Variants in TIMP2 observed in about 807,000 individuals in gnomAD.
TIMP2 encodes the protein metalloproteinase inhibitor 2.
Under a neutral mutation model 24.3 loss-of-function variants are expected in TIMP2, and 5 were observed. The ratio of observed to expected loss-of-function variants is 0.21; its 90% confidence interval spans 0.11 to 0.43. The LOEUF is 0.43. Ranked by LOEUF, TIMP2 falls within the 20% of genes least tolerant of loss-of-function variation. TIMP2 has a pLI of 1.00. For synonymous variants in TIMP2, 130 were observed against 123.2 expected, an observed-to-expected ratio of 1.06 and a Z score of -0.37; for missense variants, 221 against 297.5, an observed-to-expected ratio of 0.74 and a Z score of 1.89.
At chr17:78,873,544 C>T (rs755818061) in intron 2 of TIMP2, among the ~76,000 whole-genome samples, 6 of 152,210 alleles carry the variant, frequency 3.9e-5, no homozygotes, top group Non-Finnish European at 7.3e-5. Context: ...CCGCCCACCT[C>T]GGCCTCCCGA....
chr17:78,884,614 G>A (rs959086768), intron 1 of TIMP2, among the ~76,000 whole-genome samples: 25 of 152,090 alleles, frequency 1.6e-4, no homozygotes, highest in African/African-American at 4.8e-4. Flanking sequence ...CATGCTGAGC[G>A]GCGCCCCCAG....
chr17:78,909,363 A>G (rs2070187781), intron 1 of TIMP2, among the ~76,000 whole-genome samples: 1 of 151,926 alleles, frequency 6.6e-6, no homozygotes. Flanking sequence ...CTCTTTAAAA[A>G]AAAAAAAGAT....
At position 78,853,697 on chromosome 17, in the gene TIMP2, A is replaced by T. The variant is rs1326543141; in HGVS notation, c.*1970T>A. On this transcript the variant is annotated 3_prime_UTR_variant, in exon 5 of 5. Coordinates refer to ENST00000262768, the MANE Select transcript of TIMP2 (RefSeq NM_003255.5). Reference sequence around the variant, plus strand: ...TTCCACGATGCAGAAACCTTTTTTTAAAAAAGTGCAAGTCTAATACCTACC... The same window carrying T: ...TTCCACGATGCAGAAACCTTTTTTTTAAAAAGTGCAAGTCTAATACCTACC... 1 of 152,618 alleles carries T rather than the reference A, an allele frequency of 6.6e-6. No homozygotes were observed. Among genetic ancestry groups the T allele is most frequent in the African/African-American group, 2.4e-5 (1 of 41,458 alleles). The allele number at this position is 152,618 out of a possible 1,614,324, so 9.5% of individuals were successfully genotyped here. A position where few individuals can be genotyped will look rare whatever the true frequency, so the allele number is the denominator to read the frequency against.
chr17:78,923,396 T>TGGGGGGGGGGGGGGGGGGGGG (rs1255104339), intron 1 of TIMP2, among the ~76,000 whole-genome samples: 22 of 47,678 alleles, frequency 4.6e-4, no homozygotes, highest in East Asian at 1.6e-3. Context: ...TGGGGCGGGG[T>TGGGGGGGGGGGGGGGGGGGGG]GGGGGGGGGG....
intron 1 of TIMP2, among the ~76,000 whole-genome samples, chr17:78,877,845 A>C (rs766040751): frequency 2.0e-5 from 3 of 151,746 alleles, no homozygotes; most frequent in Non-Finnish European, 4.4e-5. Flanking sequence ...CTGGGATTAC[A>C]GGCACGCGCC....
chr17:78,884,020 G>C (rs1199439151), intron 1 of TIMP2, among the ~76,000 whole-genome samples: 2 of 152,238 alleles, frequency 1.3e-5, no homozygotes, highest in Admixed American at 1.3e-4. Context: ...GTGCGGCTTT[G>C]TGGAGGGAAG....
chr17:78,873,325 A>C (rs1260531914), intron 2 of TIMP2, among the ~76,000 whole-genome samples: 1 of 55,790 alleles, frequency 1.8e-5, no homozygotes, highest in Non-Finnish European at 3.9e-5. Context: ...TTTTTTTAAT[A>C]CAAGCTCTCA....
At chr17:78,890,772 T>C in intron 1 of TIMP2, 1 of 1,550,666 alleles carries the variant, frequency 6.4e-7, no homozygotes, top group Non-Finnish European at 8.7e-7. Context: ...TCGGCGAGGC[T>C]GGTGCCCGAT....
intron 2 of TIMP2, among the ~76,000 whole-genome samples, chr17:78,872,187 C>T (rs551947739): frequency 2.6e-5 from 4 of 151,180 alleles, no homozygotes; most frequent in Non-Finnish European, 4.4e-5. Flanking sequence ...GACGAGGTCT[C>T]GCTCTATTAC....
chr17:78,907,046 TTAAAG>T (rs2070165602), intron 1 of TIMP2, among the ~76,000 whole-genome samples: 1 of 152,104 alleles, frequency 6.6e-6, no homozygotes, highest in African/African-American at 2.4e-5. Context: ...AGCTTTTGAT[TTAAAG>T]TAAGAGACGT....
intron 1 of TIMP2, among the ~76,000 whole-genome samples, chr17:78,889,450 C>T (rs1025641571): frequency 3.9e-5 from 6 of 152,356 alleles, no homozygotes; most frequent in East Asian, 3.9e-4. Flanking sequence ...TATTAAGCGA[C>T]GTGCTATTTA....
intron 1 of TIMP2, chr17:78,899,516 G>A (rs2070056602): frequency 1.3e-5 from 2 of 152,230 alleles, no homozygotes; most frequent in South Asian, 4.1e-4. Flanking sequence ...CCCTGCGGGA[G>A]GGGCCCAGGA....
intron 1 of TIMP2, among the ~76,000 whole-genome samples, chr17:78,885,220 C>T (rs557792895): frequency 7.9e-5 from 12 of 152,268 alleles, no homozygotes; most frequent in South Asian, 2.1e-4. Context: ...AAGATGGGGC[C>T]GGAGGACGAA....
In TIMP2 at chr17:78,873,900, G is replaced by T; in HGVS notation, c.150C>A (p.Val50=). The change falls in exon 2 of 5, where the codon GTC becomes GTA. Residue 50 remains valine, a synonymous_variant. Transcript: ENST00000262768. The part of the protein sequence containing the change: ...NADVVIRAKA[V]SEKEVDSGND... Reference sequence around the variant, plus strand: ...TTCCAGAGTCCACTTCCTTCTCACTGACCGCTTTGGCCCTGATCACTGCAA... The same window carrying T: ...TTCCAGAGTCCACTTCCTTCTCACTTACCGCTTTGGCCCTGATCACTGCAA... The T allele has an allele frequency of 6.2e-7, 1 of 1,613,232 alleles. No individual in the cohort carries two copies.
intron 1 of TIMP2, among the ~76,000 whole-genome samples, chr17:78,908,929 C>T (rs2070184212): frequency 6.6e-6 from 1 of 152,086 alleles, no homozygotes; most frequent in African/African-American, 2.4e-5. Context: ...GCAGGCTGGT[C>T]CTTGGCTTCT....
chr17:78,890,919 T>G (rs1369227339), intron 1 of TIMP2: 1 of 1,550,838 alleles, frequency 6.4e-7, no homozygotes, highest in Non-Finnish European at 8.7e-7. Context: ...ATTTCCAAGC[T>G]CATATCTGGG....
intron 1 of TIMP2, among the ~76,000 whole-genome samples, chr17:78,888,656 G>T (rs950433593): frequency 1.3e-5 from 2 of 152,082 alleles, no homozygotes; most frequent in African/African-American, 4.8e-5. Flanking sequence ...TCCCCATGTT[G>T]CCCACGCTGG....
chr17:78,889,932 A>G (rs2069863697), intron 1 of TIMP2, among the ~76,000 whole-genome samples: 1 of 152,146 alleles, frequency 6.6e-6, no homozygotes, highest in Admixed American at 6.6e-5. Flanking sequence ...AGCCTAGCCA[A>G]CATGGTGAAA....
At chr17:78,894,708 C>T (rs1306271074) in intron 1 of TIMP2, among the ~76,000 whole-genome samples, 2 of 151,868 alleles carry the variant, frequency 1.3e-5, no homozygotes, top group East Asian at 3.9e-4. Context: ...TAGAAGAAAA[C>T]GTAGGTGTAT....
Sources: allele counts gnomAD v4.1 joint callset (sites outside exome capture counted in the v4.1 genomes callset), GRCh38; gene constraint gnomAD v4.1.1; transcripts MANE v1.5; gene names NCBI Gene and HGNC (gene_info 2026-07-23, HGNC 2026-07-21).